DNAH11: variants seen among roughly 807,000 people sequenced by gnomAD.
DNAH11 encodes the protein axonemal beta dynein heavy chain 11.
In DNAH11, 442 loss-of-function variants were observed where a neutral mutation model predicts 526.0. The observed-to-expected ratio is 0.84, with a 90% CI of 0.78 to 0.91. DNAH11 has a LOEUF of 0.91. DNAH11 is among the 40% of genes least tolerant of loss of function. DNAH11 has a pLI of 0.00. For missense variants in DNAH11, 6,989 were observed against 5,448.7 expected (o/e 1.28, Z -8.90); for synonymous variants, 2,461 against 1,935.9 (o/e 1.27, Z -7.12).
chr7:21,767,411 G>A (rs772831957), intron 55 of DNAH11, among the ~76,000 whole-genome samples: 1 of 152,122 alleles, frequency 6.6e-6, no homozygotes, highest in Non-Finnish European at 1.5e-5. Flanking sequence ...CCAGGTGGGT[G>A]CCACTTTGAA....
chr7:21,592,883 G>GA (rs199712962), intron 14 of DNAH11, among the ~76,000 whole-genome samples: 16 of 150,724 alleles, frequency 1.1e-4, no homozygotes, highest in East Asian at 2.0e-4. Flanking sequence ...TTTTGTAGCA[G>GA]AAAAAAAAAG....
intron 2 of DNAH11, among the ~76,000 whole-genome samples, chr7:21,557,468 AGAC>A (rs1783263861): frequency 6.6e-6 from 1 of 152,188 alleles, no homozygotes; most frequent in Non-Finnish European, 1.5e-5. Context: ...CATGGTTTGT[AGAC>A]GGCCCCTTCT....
At chr7:21,835,053 A>C (rs1478662141) in intron 65 of DNAH11, among the ~76,000 whole-genome samples, 2 of 152,152 alleles carry the variant, frequency 1.3e-5, no homozygotes, top group Non-Finnish European at 2.9e-5. Flanking sequence ...ACCTATCAAA[A>C]TTGAATCATG....
In DNAH11 at chr7:21,683,514, C is replaced by T. The variant is rs59268862; in HGVS notation, c.5461-270C>T. Among the ~76,000 whole-genome samples the T allele has an allele frequency of 0.085, 12,856 of 152,128 alleles. 1,005 individuals are homozygous for T. Among genetic ancestry groups the T allele is most frequent in the African/African-American group, 0.2 (8,365 of 41,468 alleles). ...TAAAGTTACAAGATTTATCTAATCC[C>T]CTGGGGTGATTCATAAAAGAGGAAA... is the stretch of plus-strand genomic sequence containing the variant. On this transcript the variant is annotated intron_variant, in intron 31 of 81. Transcript: ENST00000409508.
At chr7:21,609,152 A>G (rs1303417708) in intron 20 of DNAH11, among the ~76,000 whole-genome samples, 2 of 152,222 alleles carry the variant, frequency 1.3e-5, no homozygotes, top group Non-Finnish European at 2.9e-5. Context: ...TAGTAACTGT[A>G]TAATAACCAG....
Position 21,901,333 on chromosome 7 carries a change from CATT to C in DNAH11, c.*83_*85del, listed in dbSNP as rs1425535503. On this transcript the variant is annotated 3_prime_UTR_variant, in exon 82 of 82. Transcript: ENST00000409508. ...CATGTTGCTGCACTGTTCCCATGCA[CATT>C]ATTCTAACTTTTTAGTAACTCACAC... 7.1e-7 allele frequency: 1 copy of C among 1,415,456 alleles called. No individual in the cohort carries two copies. The highest frequency in any genetic ancestry group is 9.3e-7 in the Non-Finnish European group (1 of 1,074,010). The allele number at this position is 1,415,456 out of a possible 1,614,324, so 87.7% of individuals were successfully genotyped here. A position where few individuals can be genotyped will look rare whatever the true frequency, so the allele number is the denominator to read the frequency against.
At chr7:21,591,603 T>A in intron 14 of DNAH11, 26 bp downstream of exon 14, 1 of 1,497,348 alleles carries the variant, frequency 6.7e-7, no homozygotes, top group Non-Finnish European at 8.9e-7. Context: ...CTTTCAAGAT[T>A]TATAGATCTT....
At chr7:21,663,666 A>G (rs1235601064) in intron 30 of DNAH11, among the ~76,000 whole-genome samples, 2 of 152,004 alleles carry the variant, frequency 1.3e-5, no homozygotes, top group Non-Finnish European at 2.9e-5. Flanking sequence ...TATTCCACAT[A>G]CAAGTGAGAT....
At chr7:21,776,517 G>A (rs942067380) in intron 56 of DNAH11, among the ~76,000 whole-genome samples, 26 of 152,260 alleles carry the variant, frequency 1.7e-4, no homozygotes, top group Middle Eastern at 6.8e-3. Flanking sequence ...GAAAACATTA[G>A]CAATGTTCCT....
chr7:21,592,616 C>G (rs780439571), intron 14 of DNAH11, among the ~76,000 whole-genome samples: 1 of 152,150 alleles, frequency 6.6e-6, no homozygotes, highest in African/African-American at 2.4e-5. Context: ...CACAGGCAAG[C>G]AAAGAAGTGG....
At chr7:21,548,244 G>T (rs946772851) in intron 2 of DNAH11, among the ~76,000 whole-genome samples, 1 of 152,040 alleles carries the variant, frequency 6.6e-6, no homozygotes, top group South Asian at 2.1e-4. Context: ...CCCTTTTTCT[G>T]CTAGTGTCAT....
chr7:21,846,696 T>G (rs955023175), intron 66 of DNAH11, among the ~76,000 whole-genome samples: 1 of 152,078 alleles, frequency 6.6e-6, no homozygotes, highest in Non-Finnish European at 1.5e-5. Context: ...GTTTATCTGG[T>G]TTTGGTCTTA....
intron 18 of DNAH11, among the ~76,000 whole-genome samples, chr7:21,602,845 G>T (rs1235704921): frequency 6.6e-6 from 1 of 151,970 alleles, no homozygotes; most frequent in Non-Finnish European, 1.5e-5. Context: ...CTCTATACTT[G>T]CTCCCATCAA....
At chr7:21,881,487 C>T (rs148097720) in intron 75 of DNAH11, among the ~76,000 whole-genome samples, 2 of 152,296 alleles carry the variant, frequency 1.3e-5, no homozygotes, top group Admixed American at 1.3e-4. Flanking sequence ...GGGAATGCCT[C>T]ATCAAGAACA....
At chr7:21,813,921 A>T (rs114115484) in intron 63 of DNAH11, among the ~76,000 whole-genome samples, 195 of 152,316 alleles carry the variant, frequency 1.3e-3, no homozygotes, top group African/African-American at 4.5e-3. Context: ...AAAAGAAGGT[A>T]TACTCTAATA....
intron 65 of DNAH11, among the ~76,000 whole-genome samples, chr7:21,828,450 A>C (rs949943698): frequency 6.6e-6 from 1 of 152,152 alleles, no homozygotes; most frequent in Non-Finnish European, 1.5e-5. Flanking sequence ...AAATTTAGTA[A>C]AGTTTTTTTT....
rs1478816264 is a variant in DNAH11 at position 21,683,770 on chromosome 7, T to C, written c.5461-14T>C. ...ACCAGTGTCCTGCGTATGATGATTA[T>C]GCAATGCCTTTAGGTTGTCAGTCCC... On this transcript the variant is annotated splice_polypyrimidine_tract_variant and intron_variant, in intron 31 of 81. Transcript: ENST00000409508. 1 of 1,582,290 alleles carries C rather than the reference T, an allele frequency of 6.3e-7. No individual in the cohort carries two copies. Among genetic ancestry groups the C allele is most frequent in the Non-Finnish European group, 8.6e-7 (1 of 1,163,512 alleles).
intron 66 of DNAH11, 43 bp from the exon 67 acceptor site, chr7:21,852,423 AG>A: frequency 7.8e-6 from 12 of 1,541,724 alleles, no homozygotes; most frequent in Admixed American, 2.1e-5. Flanking sequence ...AAAAAAAAAA[AG>A]TACTTAACCA....
intron 66 of DNAH11, among the ~76,000 whole-genome samples, chr7:21,850,225 G>A (rs555293083): frequency 2.0e-5 from 3 of 151,536 alleles, no homozygotes; most frequent in Middle Eastern, 3.4e-3. Context: ...GTGTGGTGGT[G>A]GGAGCCTGTA....
Sources: gnomAD v4.1 joint callset for allele counts (sites outside exome capture counted in the v4.1 genomes callset) on GRCh38, gnomAD v4.1.1 for gene constraint, MANE v1.5 for transcripts, NCBI Gene and HGNC (gene_info 2026-07-23, HGNC 2026-07-21) for gene names.